The following PTPRT variants were observed in gnomAD, a reference collection of about 807,000 sequenced individuals.
PTPRT encodes receptor-type tyrosine-protein phosphatase T.
A neutral mutation model predicts 176.8 loss-of-function variants in PTPRT; 56 were observed. The ratio of observed to expected loss-of-function variants is 0.32; its 90% CI spans 0.26 to 0.40. The LOEUF (loss-of-function observed/expected upper bound fraction) is 0.40. Ranked by LOEUF, PTPRT falls within the 10% of genes least tolerant of loss-of-function variation. PTPRT has a pLI of 1.00. For missense variants in PTPRT, 1,540 were observed against 1,908.2 expected, an observed-to-expected ratio of 0.81 and a Z score of 3.60; for synonymous variants, 783 against 739.0, an observed-to-expected ratio of 1.06 and a Z score of -0.96.
intron 9 of PTPRT, among the ~76,000 whole-genome samples, chr20:42,387,886 G>T (rs1432067279): frequency 6.6e-6 from 1 of 151,802 alleles, no homozygotes; most frequent in East Asian, 1.9e-4. Flanking sequence ...CTACCTCCTG[G>T]GTTCAAATTA....
chr20:42,998,437 C>G (rs1984350254), intron 1 of PTPRT, among the ~76,000 whole-genome samples: 1 of 152,170 alleles, frequency 6.6e-6, no homozygotes, highest in Admixed American at 6.5e-5. Context: ...TTAAATCAGT[C>G]TAACTTGATG....
intron 15 of PTPRT, among the ~76,000 whole-genome samples, chr20:42,220,454 G>A (rs183221913): frequency 6.6e-6 from 1 of 152,252 alleles, no homozygotes; most frequent in East Asian, 1.9e-4. Flanking sequence ...GGTCATGCCT[G>A]TAATCCCAGC....
At chr20:42,367,504 T>C (rs1434185677) in intron 9 of PTPRT, among the ~76,000 whole-genome samples, 1 of 152,088 alleles carries the variant, frequency 6.6e-6, no homozygotes, top group East Asian at 1.9e-4. Context: ...TTCTAGTTAC[T>C]AGGAAGGTGA....
At chr20:43,159,744 T>C (rs1246751711) in intron 1 of PTPRT, among the ~76,000 whole-genome samples, 1 of 152,192 alleles carries the variant, frequency 6.6e-6, no homozygotes, top group Non-Finnish European at 1.5e-5. Context: ...TAAGTATTCC[T>C]TTCTGGAAGG....
intron 23 of PTPRT, among the ~76,000 whole-genome samples, 199 bp downstream of exon 23, chr20:42,110,134 G>A (rs576379051): frequency 2.7e-5 from 4 of 149,212 alleles, no homozygotes; most frequent in South Asian, 4.2e-4. Flanking sequence ...GCAACCTCCC[G>A]CTCCTGGGTT....
intron 2 of PTPRT, among the ~76,000 whole-genome samples, chr20:42,846,800 C>T (rs1467469662): frequency 6.6e-6 from 1 of 152,084 alleles, no homozygotes; most frequent in African/African-American, 2.4e-5. Context: ...ACAGAGGTTC[C>T]AAGAAGGCTA....
At chr20:42,737,671 TA>T (rs1600681059) in intron 6 of PTPRT, among the ~76,000 whole-genome samples, 1 of 150,762 alleles carries the variant, frequency 6.6e-6, no homozygotes, top group East Asian at 1.9e-4. Flanking sequence ...CCCTCAGAGC[TA>T]TCAGAAGGAA....
chr20:43,179,242 C>T (rs1379249222), intron 1 of PTPRT, among the ~76,000 whole-genome samples: 1 of 152,166 alleles, frequency 6.6e-6, no homozygotes, highest in East Asian at 1.9e-4. Context: ...CAACCAAAAC[C>T]AAGAGTTCAG....
chr20:43,045,446 CTTT>C (rs899268477), intron 1 of PTPRT, among the ~76,000 whole-genome samples: 4 of 139,370 alleles, frequency 2.9e-5, no homozygotes, highest in Non-Finnish European at 6.0e-5. Flanking sequence ...TTTTCTTTTT[CTTT>C]TTTTCATTTT....
chr20:42,443,312 A>G (rs139511620), intron 9 of PTPRT, among the ~76,000 whole-genome samples: 25 of 152,344 alleles, frequency 1.6e-4, no homozygotes, highest in African/African-American at 4.8e-4. Context: ...GATCTTGTTA[A>G]GAAGACTGTG....
intron 7 of PTPRT, among the ~76,000 whole-genome samples, chr20:42,474,705 T>A (rs549040892): frequency 6.6e-6 from 1 of 152,268 alleles, no homozygotes; most frequent in East Asian, 1.9e-4. Flanking sequence ...CATCTCGCAG[T>A]TGTACCGACT....
chr20:42,505,016 C>T (rs766158000), intron 7 of PTPRT, among the ~76,000 whole-genome samples: 8 of 152,038 alleles, frequency 5.3e-5, no homozygotes, highest in Non-Finnish European at 1.0e-4. Flanking sequence ...CTACGATATA[C>T]TATTTCATGG....
At chr20:42,204,974 C>CTTTTT (rs11472303) in intron 15 of PTPRT, among the ~76,000 whole-genome samples, 1 of 138,942 alleles carries the variant, frequency 7.2e-6, no homozygotes, top group Non-Finnish European at 1.5e-5. Context: ...GAAGGAATTT[C>CTTTTT]TTTTTTTTTT....
At chr20:42,200,879 C>A (rs1291179056) in intron 15 of PTPRT, among the ~76,000 whole-genome samples, 1 of 152,204 alleles carries the variant, frequency 6.6e-6, no homozygotes, top group African/African-American at 2.4e-5. Flanking sequence ...TGTCTCAACA[C>A]ACAAAAAGGG....
At chr20:42,808,871 A>C (rs1470436257) in intron 2 of PTPRT, among the ~76,000 whole-genome samples, 1 of 152,128 alleles carries the variant, frequency 6.6e-6, no homozygotes, top group African/African-American at 2.4e-5. Context: ...ACATGGGCAC[A>C]CCTCAAAGTC....
At chr20:43,188,751 G>C (rs886494577) in intron 1 of PTPRT, among the ~76,000 whole-genome samples, 2 of 142,184 alleles carry the variant, frequency 1.4e-5, no homozygotes, top group African/African-American at 2.8e-5. Flanking sequence ...GCTACTCTTG[G>C]GGGGGGGGGG....
At chr20:42,317,152 T>C (rs531236486) in intron 11 of PTPRT, among the ~76,000 whole-genome samples, 1 of 152,310 alleles carries the variant, frequency 6.6e-6, no homozygotes, top group Admixed American at 6.5e-5. Context: ...TCTGCCTGGA[T>C]GCAGAAACCC....
intron 1 of PTPRT, among the ~76,000 whole-genome samples, chr20:43,062,642 C>T (rs1227865907): frequency 6.6e-6 from 1 of 152,114 alleles, no homozygotes; most frequent in Non-Finnish European, 1.5e-5. Context: ...AGAATGAATA[C>T]CAAATGTATG....
intron 8 of PTPRT, among the ~76,000 whole-genome samples, chr20:42,462,922 A>T (rs6030262): frequency 6.6e-6 from 1 of 152,212 alleles, no homozygotes; most frequent in Admixed American, 6.5e-5. Flanking sequence ...CCAAGGTTGC[A>T]TAGTGAAGTA....
Sources: allele counts gnomAD v4.1 joint callset (sites outside exome capture counted in the v4.1 genomes callset), GRCh38; gene constraint gnomAD v4.1.1; transcripts MANE v1.5; gene names NCBI Gene and HGNC (gene_info 2026-07-23, HGNC 2026-07-21).